Variants in MALRD1 observed in about 807,000 individuals in gnomAD.
MALRD1 encodes the protein MAM and LDL-receptor class A domain-containing protein 1.
A neutral mutation model predicts 242.1 loss-of-function variants in MALRD1; 247 were observed. The ratio of observed to expected loss-of-function variants is 1.02; its 90% CI spans 0.92 to 1.13. The LOEUF (loss-of-function observed/expected upper bound fraction) is 1.13. MALRD1 is among the 50% of genes most tolerant of loss of function. The probability of loss-of-function intolerance (pLI) is 0.00; values close to 1 mark genes in which losing one functional copy is unlikely to be tolerated. For missense variants in MALRD1, 2,989 were observed against 2,533.1 expected (o/e 1.18, Z -3.86); for synonymous variants, 995 against 866.6 (o/e 1.15, Z -2.60).
chr10:19,223,050 A>G (rs1307097665), intron 18 of MALRD1, among the ~76,000 whole-genome samples: 2 of 152,210 alleles, frequency 1.3e-5, no homozygotes, highest in African/African-American at 2.4e-5. Context: ...CTTATGGAAC[A>G]TATCAACTCA....
chr10:19,183,476 C>T (rs890160729), intron 14 of MALRD1, among the ~76,000 whole-genome samples: 1 of 151,966 alleles, frequency 6.6e-6, no homozygotes. Flanking sequence ...TATTTATGAA[C>T]TTAAATCCTC....
intron 23 of MALRD1, among the ~76,000 whole-genome samples, chr10:19,329,805 C>G (rs185866034): frequency 2.0e-5 from 3 of 152,224 alleles, no homozygotes; most frequent in Admixed American, 2.0e-4. Flanking sequence ...AACAGTTAAT[C>G]ACATTCGGTA....
At position 19,124,405 on chromosome 10, in the gene MALRD1, T is replaced by G. The variant is rs1292209819; in HGVS notation, c.797-119T>G. 8 of 888,696 alleles carry G rather than the reference T, an allele frequency of 9.0e-6. No individual in the cohort carries two copies. The East Asian group carries it at 2.7e-4, about 30-fold the overall frequency. 55.1% of individuals were successfully genotyped at this position (888,696 alleles called of 1,614,324 possible). A position where few individuals can be genotyped will look rare whatever the true frequency, so the allele number is the denominator to read the frequency against. On this transcript the variant is annotated intron_variant, in intron 6 of 39. Coordinates refer to ENST00000454679, the MANE Select transcript of MALRD1 (RefSeq NM_001142308.3). ...TGAATCCAAACTTGCAGATATAAATTAGTGTGTGCTGATGTGTATGTGTGT... is the reference window on the plus strand; with the variant it reads ...TGAATCCAAACTTGCAGATATAAATGAGTGTGTGCTGATGTGTATGTGTGT...
intron 21 of MALRD1, among the ~76,000 whole-genome samples, chr10:19,284,221 G>C (rs1350918408): frequency 6.6e-6 from 1 of 150,746 alleles, no homozygotes; most frequent in Non-Finnish European, 1.5e-5. Flanking sequence ...TTCTAGTGTT[G>C]TAAGCATGTT....
In MALRD1 at chr10:19,203,823, T is replaced by C. The variant is rs1564464223; in HGVS notation, c.2047T>C (p.Ser683Pro). The change falls in exon 15 of 40, where the codon TCT (serine) becomes CCT (proline). Residue 683 changes from serine to proline, a missense_variant. Physicochemically the swap from Ser to Pro is moderately conservative, Grantham distance 74. Transcript: ENST00000454679. Reference protein sequence around the residue: ...DWIRSSQSELSADFEHQAPPR... With the variant: ...DWIRSSQSELPADFEHQAPPR... ...GATACGGAGCTCTCAGAGTGAACTT[T>C]CTGCTGATTTTGAGCACCAGGCTCC... The C allele has an allele frequency of 4.5e-6, 7 of 1,550,576 alleles. No homozygotes were observed. The highest frequency in any genetic ancestry group is 2.0e-5 in the Admixed American group (1 of 51,000).
chr10:19,510,420 A>G (rs1472506021), intron 31 of MALRD1, among the ~76,000 whole-genome samples: 3 of 132,738 alleles, frequency 2.3e-5, no homozygotes, highest in Non-Finnish European at 4.9e-5. Flanking sequence ...CATGGGGAGA[A>G]ACCTTGGACA....
chr10:19,097,085 C>A (rs1168773352), intron 4 of MALRD1, among the ~76,000 whole-genome samples: 1 of 152,184 alleles, frequency 6.6e-6, no homozygotes, highest in Non-Finnish European at 1.5e-5. Context: ...TTAGCACTTA[C>A]TATGTGTAAG....
chr10:19,124,453 C>T, intron 6 of MALRD1, 71 bp from the exon 7 acceptor site: 2 of 1,199,124 alleles, frequency 1.7e-6, no homozygotes, highest in Non-Finnish European at 2.1e-6. Context: ...TGGTTGATTA[C>T]AACACATAAC....
At chr10:19,431,332 C>G (rs1834119287) in intron 28 of MALRD1, among the ~76,000 whole-genome samples, 1 of 150,890 alleles carries the variant, frequency 6.6e-6, no homozygotes, top group Non-Finnish European at 1.5e-5. Flanking sequence ...GTATATCTTT[C>G]TAATTCATTA....
intron 21 of MALRD1, among the ~76,000 whole-genome samples, chr10:19,287,622 C>T (rs1276682621): frequency 6.6e-6 from 1 of 152,022 alleles, no homozygotes; most frequent in African/African-American, 2.4e-5. Context: ...TGCATTCCCA[C>T]ACACCAAGTA....
intron 29 of MALRD1, among the ~76,000 whole-genome samples, chr10:19,478,119 A>G (rs915505766): frequency 1.3e-5 from 2 of 152,184 alleles, no homozygotes; most frequent in African/African-American, 4.8e-5. Flanking sequence ...TGGCCCTAAC[A>G]TTTTCAAACT....
chr10:19,346,164 A>T (rs1844111813), intron 24 of MALRD1, among the ~76,000 whole-genome samples: 1 of 152,182 alleles, frequency 6.6e-6, no homozygotes, highest in African/African-American at 2.4e-5. Context: ...ATTTTATCTG[A>T]CTTGGGATAA....
intron 36 of MALRD1, among the ~76,000 whole-genome samples, chr10:19,647,431 A>T (rs572032241): frequency 1.3e-5 from 2 of 152,268 alleles, no homozygotes; most frequent in East Asian, 3.9e-4. Context: ...GGCCTTCCAT[A>T]GGAAAGTGAC....
At chr10:19,581,609 C>A (rs1461056005) in intron 33 of MALRD1, among the ~76,000 whole-genome samples, 3 of 147,570 alleles carry the variant, frequency 2.0e-5, no homozygotes, top group African/African-American at 5.1e-5. Flanking sequence ...TTTCTTAATC[C>A]AGTCTATCAT....
chr10:19,655,825 G>C (rs1470008631), intron 36 of MALRD1, among the ~76,000 whole-genome samples: 1 of 151,982 alleles, frequency 6.6e-6, no homozygotes, highest in Non-Finnish European at 1.5e-5. Context: ...TCAGGCAGTA[G>C]AGTGTATGGA....
chr10:19,390,179 T>A (rs12774252), intron 28 of MALRD1, among the ~76,000 whole-genome samples: 8 of 152,330 alleles, frequency 5.3e-5, no homozygotes, highest in Admixed American at 1.3e-4. Flanking sequence ...CATACATTTC[T>A]TCTTCCTATT....
intron 18 of MALRD1, among the ~76,000 whole-genome samples, chr10:19,216,095 A>G (rs1349261167): frequency 7.0e-6 from 1 of 142,954 alleles, no homozygotes; most frequent in East Asian, 2.1e-4. Flanking sequence ...ATCTTTTTCT[A>G]CTTCTTTCTT....
At chr10:19,159,111 C>T (rs1022510025) in intron 12 of MALRD1, among the ~76,000 whole-genome samples, 2 of 152,062 alleles carry the variant, frequency 1.3e-5, no homozygotes, top group African/African-American at 4.8e-5. Flanking sequence ...AAAACAGATT[C>T]GGTTTTATTG....
At chr10:19,613,042 A>C (rs190886258) in intron 35 of MALRD1, among the ~76,000 whole-genome samples, 4 of 149,792 alleles carry the variant, frequency 2.7e-5, no homozygotes, top group Non-Finnish European at 5.9e-5. Flanking sequence ...CTAGTTCTCT[A>C]TTTTCTCACT....
Sources: allele counts gnomAD v4.1 joint callset (sites outside exome capture counted in the v4.1 genomes callset), GRCh38; gene constraint gnomAD v4.1.1; transcripts MANE v1.5; gene names NCBI Gene and HGNC (gene_info 2026-07-23, HGNC 2026-07-21).